The following PRKDC variants were observed in gnomAD, a reference collection of about 807,000 sequenced individuals.
PRKDC encodes protein kinase, DNA-activated, catalytic subunit, also known as DNA-dependent protein kinase catalytic subunit.
PRKDC carries 82 observed loss-of-function variants against 486.9 expected under a neutral mutation model. The observed-to-expected ratio is 0.17, with a 90% confidence interval of 0.14 to 0.20. PRKDC has a LOEUF of 0.20. Ranked by LOEUF, PRKDC falls within the 10% of genes least tolerant of loss-of-function variation. PRKDC has a pLI of 1.00. For missense variants in PRKDC, 4,504 were observed against 5,038.2 expected, an observed-to-expected ratio of 0.89 and a Z score of 3.21; for synonymous variants, 1,895 against 1,837.0, an observed-to-expected ratio of 1.03 and a Z score of -0.81.
chr8:47,807,897 G>A (rs887387687), intron 68 of PRKDC, among the ~76,000 whole-genome samples: 1 of 152,016 alleles, frequency 6.6e-6, no homozygotes, highest in African/African-American at 2.4e-5. Flanking sequence ...TGTATTTTTA[G>A]TAGAGACGGG....
intron 80 of PRKDC, among the ~76,000 whole-genome samples, chr8:47,780,961 C>A (rs925831175): frequency 2.0e-5 from 3 of 151,946 alleles, no homozygotes; most frequent in Non-Finnish European, 2.9e-5. Flanking sequence ...CTGTAACATG[C>A]TGAATTAAGA....
rs117967478 is a variant in PRKDC, at chr8:47,905,029, C to T, written c.2935-53G>A. On this transcript the variant is annotated intron_variant, in intron 25 of 85. Coordinates refer to ENST00000314191, the MANE Select transcript of PRKDC (RefSeq NM_006904.7). The stretch of plus-strand genomic sequence containing the variant: ...TTCCCTTCATGTTAAAGAAATGTTA[C>T]GCTGTAAAGGGTTCCATTTAAATGC... 147 of 1,315,160 alleles carry T rather than the reference C, an allele frequency of 1.1e-4. No individual in the cohort carries two copies. In the East Asian group the frequency reaches 2.7e-3, roughly 24 times the overall value. The allele number at this position is 1,315,160 out of a possible 1,614,324, so 81.5% of individuals were successfully genotyped here.
At chr8:47,807,925 A>T (rs2087250295) in intron 68 of PRKDC, among the ~76,000 whole-genome samples, 1 of 152,156 alleles carries the variant, frequency 6.6e-6, no homozygotes, top group South Asian at 2.1e-4. Flanking sequence ...CATGTTGGCC[A>T]GGCTGGTCTT....
intron 21 of PRKDC, among the ~76,000 whole-genome samples, chr8:47,924,685 T>C (rs762230836): frequency 6.6e-6 from 1 of 152,120 alleles, no homozygotes; most frequent in Non-Finnish European, 1.5e-5. Context: ...CCAGAGTACA[T>C]GTAACACACA....
intron 80 of PRKDC, 105 bp from the exon 81 acceptor site, chr8:47,779,198 G>A: frequency 3.8e-6 from 3 of 788,226 alleles, no homozygotes; most frequent in Admixed American, 3.0e-5. Context: ...AAAGAGGCAG[G>A]AAAAAATAAT....
Position 47,857,212 on chromosome 8 carries a change from T to G in PRKDC, c.6553A>C (p.Met2185Leu). 1 of 1,614,046 alleles carries G rather than the reference T, an allele frequency of 6.2e-7. No individual in the cohort carries two copies. ...ENNGGEGIHY[M>L]VVEIVATILS... The stretch of plus-strand genomic sequence containing the variant: ...ATAGTGGCCACTATCTCAACCACCA[T>G]GTAGTGAATTCCTTCTCCTCCATTG... The change falls in exon 49 of 86, where the codon ATG becomes CTG. Residue 2185 changes from methionine (M) to leucine (L), a missense_variant. This residue lies in a region of PRKDC where 1,592 missense variants were observed against 1,724.6 expected (regional missense o/e 0.92). Transcript: ENST00000314191.
At chr8:47,919,219 T>C (rs1490205766) in intron 21 of PRKDC, among the ~76,000 whole-genome samples, 2 of 152,236 alleles carry the variant, frequency 1.3e-5, no homozygotes, top group African/African-American at 4.8e-5. Context: ...TTGCACTTAG[T>C]TGACCTATCT....
intron 18 of PRKDC, 145 bp downstream of exon 18, chr8:47,929,708 T>C (rs2154503519): frequency 4.3e-6 from 4 of 933,198 alleles, no homozygotes; most frequent in East Asian, 3.1e-5. Context: ...CAACTGCCAT[T>C]CACATATCAA....
rs8178249 is a variant in PRKDC at position 47,778,507 on chromosome 8, G to A, written c.11805C>T (p.Gly3935=). The A allele has an allele frequency of 5.4e-3, 8,658 of 1,613,570 alleles. 57 individuals carry two copies. The highest frequency in any genetic ancestry group is 0.031 in the Middle Eastern group (190 of 6,060). ...GCCCAAAGTCGATCCCGATCACGCC[G>A]CCAGTCTCCATGGCCACCATAAAGT... is the stretch of plus-strand genomic sequence containing the variant. ...LNNFMVAMET[G]GVIGIDFGHA... The change falls in exon 83 of 86, where the codon GGC becomes GGT. Residue 3935 remains glycine (G), a synonymous_variant. Transcript: ENST00000314191.
intron 69 of PRKDC, among the ~76,000 whole-genome samples, chr8:47,804,856 G>A (rs953117619): frequency 9.9e-5 from 15 of 152,094 alleles, no homozygotes; most frequent in Admixed American, 9.2e-4. Context: ...CCACCTCCCA[G>A]GTTCAAGCGA....
intron 40 of PRKDC, among the ~76,000 whole-genome samples, chr8:47,876,653 T>A (rs1278993753): frequency 6.6e-6 from 1 of 150,856 alleles, no homozygotes; most frequent in East Asian, 1.9e-4. Flanking sequence ...AGAGCCAGAC[T>A]CTGTCTCAAA....
chr8:47,811,883 AG>A (rs754327538), intron 68 of PRKDC, among the ~76,000 whole-genome samples: 1 of 152,222 alleles, frequency 6.6e-6, no homozygotes, highest in Non-Finnish European at 1.5e-5. Flanking sequence ...AGGCTGAGGC[AG>A]GAGAATGGCT....
rs750568921 is a variant in PRKDC at position 47,877,829 on chromosome 8, G to A, written c.5258C>T (p.Ser1753Phe). The part of the protein sequence containing the change: ...MKKFLDALEL[S>F]QSPMLLELMT... The stretch of plus-strand genomic sequence containing the variant: ...CAATTCCAACAACATAGGGCTTTGA[G>A]ATAATTCCAATGCATCTAGAAACTA... Residue 1753 changes from serine (S) to phenylalanine (F), a missense_variant, in exon 40 of 86, where the codon TCT becomes TTT. By Grantham distance (155) the Ser-to-Phe change is radical. This residue lies in a region of PRKDC where 1,969 missense variants were observed against 2,068.9 expected (regional missense o/e 0.95). Coordinates refer to ENST00000314191, the MANE Select transcript of PRKDC (RefSeq NM_006904.7). 6.5e-7 allele frequency: 1 copy of A among 1,546,432 alleles called. No individual in the cohort carries two copies. The highest frequency in any genetic ancestry group is 8.7e-7 in the Non-Finnish European group (1 of 1,144,484).
chr8:47,958,375 T>C (rs2090746028), intron 1 of PRKDC, among the ~76,000 whole-genome samples: 1 of 152,216 alleles, frequency 6.6e-6, no homozygotes, highest in South Asian at 2.1e-4. Context: ...ACTTTGGTTC[T>C]AGCTTGGTGA....
intron 74 of PRKDC, among the ~76,000 whole-genome samples, chr8:47,793,171 A>G (rs1400416968): frequency 1.3e-5 from 2 of 152,252 alleles, no homozygotes; most frequent in Non-Finnish European, 2.9e-5. Flanking sequence ...GGCACAGACC[A>G]TCATGCCCAG....
intron 50 of PRKDC, among the ~76,000 whole-genome samples, chr8:47,854,928 C>A (rs955890608): frequency 6.6e-6 from 1 of 152,084 alleles, no homozygotes; most frequent in Non-Finnish European, 1.5e-5. Context: ...AAAGGAATTA[C>A]GCACAAATCC....
rs537452159 is a variant in PRKDC at position 47,865,806 on chromosome 8, C to T, written c.5364-1043G>A. 1.4e-4 allele frequency among the ~76,000 whole-genome samples: 21 copies of T among 152,076 alleles called. 1 individual carries two copies. The highest frequency in any genetic ancestry group is 3.4e-3 in the Middle Eastern group (1 of 294). On this transcript the variant is annotated intron_variant, in intron 40 of 85. Transcript: ENST00000314191. ...ATTCCTATGTTGAAACCCTGATCCC[C>T]GGTGTGATTGTATTAGGAGGTAAGG...
Position 47,879,548 on chromosome 8 carries a change from G to C in PRKDC, c.5178C>G (p.Ser1726=). 6.3e-7 allele frequency: 1 copy of C among 1,597,186 alleles called. No homozygotes were observed. The highest frequency in any genetic ancestry group is 8.5e-7 in the Non-Finnish European group (1 of 1,171,584). ...GCGGAGTTCCTGGAGGAAATTCCCTGGACTGCATGGGGAAGTGAGCAACGA... is the reference window on the plus strand; with the variant it reads ...GCGGAGTTCCTGGAGGAAATTCCCTCGACTGCATGGGGAAGTGAGCAACGA... ...QLIVAHFPMQ[S]REFPPGTPRF... The change falls in exon 39 of 86, where the codon TCC becomes TCG. Residue 1726 remains serine, a synonymous_variant. Transcript: ENST00000314191.
intron 3 of PRKDC, among the ~76,000 whole-genome samples, chr8:47,956,221 G>A (rs2090697599): frequency 6.6e-6 from 1 of 151,998 alleles, no homozygotes; most frequent in Non-Finnish European, 1.5e-5. Context: ...AATTAGCCAG[G>A]TACGGTGGTG....
Sources: gnomAD v4.1 joint callset for allele counts (sites outside exome capture counted in the v4.1 genomes callset) on GRCh38, gnomAD v4.1.1 for gene constraint, gnomAD v4.1.1 regional missense constraint, MANE v1.5 for transcripts, NCBI Gene and HGNC (gene_info 2026-07-23, HGNC 2026-07-21) for gene names.